NALF1: variants seen among roughly 807,000 people sequenced by gnomAD.
NALF1 encodes NALCN channel auxiliary factor 1, also known as family with sequence similarity 155 member A.
A neutral mutation model predicts 48.4 loss-of-function variants in NALF1; 3 were observed. The observed-to-expected ratio is 0.06, with a 90% CI of 0.03 to 0.16. NALF1 has a LOEUF of 0.16. NALF1 is among the 10% of genes least tolerant of loss of function. The pLI is 1.00. For missense variants in NALF1, 526 were observed against 571.5 expected (o/e 0.92, Z 0.81); for synonymous variants, 262 against 245.7 (o/e 1.07, Z -0.62).
intron 1 of NALF1, among the ~76,000 whole-genome samples, chr13:107,278,154 G>A (rs1881316683): frequency 6.6e-6 from 1 of 152,128 alleles, no homozygotes; most frequent in African/African-American, 2.4e-5. Flanking sequence ...GCACATTTGT[G>A]GTTTTAAGGA....
intron 1 of NALF1, among the ~76,000 whole-genome samples, chr13:107,482,346 A>G (rs961853178): frequency 1.3e-5 from 2 of 152,068 alleles, no homozygotes; most frequent in Non-Finnish European, 2.9e-5. Flanking sequence ...GTCTCTGTCC[A>G]TGCACACACA....
intron 1 of NALF1, among the ~76,000 whole-genome samples, chr13:107,626,100 T>C (rs1253994041): frequency 3.3e-5 from 5 of 152,088 alleles, no homozygotes; most frequent in Non-Finnish European, 5.9e-5. Flanking sequence ...GGTTAATAGA[T>C]TTCATTAATA....
At chr13:107,689,713 G>A (rs768815398) in intron 1 of NALF1, among the ~76,000 whole-genome samples, 21 of 152,114 alleles carry the variant, frequency 1.4e-4, no homozygotes, top group Admixed American at 3.9e-4. Context: ...ATAAAAATAC[G>A]TTTTTCTTCT....
chr13:107,529,275 G>A lies in NALF1; in HGVS notation c.916-318520C>T, dbSNP rs529343957. The stretch of plus-strand genomic sequence containing the variant: ...CATAGTGAATAATTATTCAAGAGCA[G>A]AGAAACGAGACCATAGCTCTGGTAT... On this transcript the variant is annotated intron_variant, in intron 1 of 2. Transcript: ENST00000375915. Among the ~76,000 whole-genome samples the A allele has an allele frequency of 2.6e-5, 4 of 152,114 alleles. No individual in the cohort carries two copies. In the South Asian group the frequency reaches 8.3e-4, roughly 31 times the overall value.
At chr13:107,795,334 G>GA (rs900870817) in intron 1 of NALF1, among the ~76,000 whole-genome samples, 1 of 152,036 alleles carries the variant, frequency 6.6e-6, no homozygotes, top group Non-Finnish European at 1.5e-5. Flanking sequence ...CTGGGGAAGG[G>GA]AAAAATTTTA....
At chr13:107,705,317 T>C (rs1881920875) in intron 1 of NALF1, among the ~76,000 whole-genome samples, 1 of 152,188 alleles carries the variant, frequency 6.6e-6, no homozygotes, top group Admixed American at 6.5e-5. Context: ...CAGGATGCAG[T>C]CATTACTGAG....
intron 1 of NALF1, among the ~76,000 whole-genome samples, chr13:107,767,250 T>C (rs1877441541): frequency 6.6e-6 from 1 of 152,176 alleles, no homozygotes; most frequent in South Asian, 2.1e-4. Context: ...TAAAGTCACA[T>C]TGTGCTTTGT....
intron 1 of NALF1, among the ~76,000 whole-genome samples, chr13:107,717,011 C>T (rs369114524): frequency 6.6e-6 from 1 of 152,164 alleles, no homozygotes; most frequent in Admixed American, 6.5e-5. Context: ...CAACTGCATA[C>T]CCATGCTAAC....
rs74112634 is a variant in NALF1, at chr13:107,819,393, T to G, written c.915+46289A>C. On this transcript the variant is annotated intron_variant, in intron 1 of 2. Transcript: ENST00000375915. ...TCGTCAGATTCTGCCTCAGCAGCAT[T>G]TCTGGCAACTGTGTCATCTTTTTTC... 3.5e-3 allele frequency among the ~76,000 whole-genome samples: 540 copies of G among 152,314 alleles called. 4 individuals carry two copies. The highest frequency in any genetic ancestry group is 0.012 in the African/African-American group (514 of 41,572).
At position 107,167,534 on chromosome 13, in the gene NALF1, C is replaced by G. The variant is rs1365192083; in HGVS notation, c.*2963G>C. The G allele has an allele frequency of 6.6e-6, 1 of 152,178 alleles. No individual in the cohort carries two copies. Among genetic ancestry groups the G allele is most frequent in the African/African-American group, 2.4e-5 (1 of 41,446 alleles). The allele number at this position is 152,178 out of a possible 1,614,324, so 9.4% of individuals were successfully genotyped here. On this transcript the variant is annotated 3_prime_UTR_variant, in exon 3 of 3. Coordinates refer to ENST00000375915, the MANE Select transcript of NALF1 (RefSeq NM_001080396.3). ...GCGGGAAAGTGGTTACACACTTACA[C>G]TAATAAATACTAGGCACTGAAATCA... is the stretch of plus-strand genomic sequence containing the variant.
intron 2 of NALF1, among the ~76,000 whole-genome samples, chr13:107,199,499 G>A (rs1315088634): frequency 3.9e-5 from 6 of 151,958 alleles, no homozygotes; most frequent in Non-Finnish European, 5.9e-5. Flanking sequence ...TTCCATATAC[G>A]GTCACATTCT....
chr13:107,693,086 A>G (rs1262991851), intron 1 of NALF1, among the ~76,000 whole-genome samples: 1 of 152,108 alleles, frequency 6.6e-6, no homozygotes, highest in Non-Finnish European at 1.5e-5. Context: ...TGTCTTCCAC[A>G]ATGGTTGAAC....
chr13:107,838,000 T>C (rs914729065), intron 1 of NALF1, among the ~76,000 whole-genome samples: 1 of 152,098 alleles, frequency 6.6e-6, no homozygotes, highest in African/African-American at 2.4e-5. Flanking sequence ...TTTTCTTAAT[T>C]AGGTGCTCGA....
intron 1 of NALF1, among the ~76,000 whole-genome samples, chr13:107,801,025 A>G (rs528405036): frequency 4.2e-4 from 64 of 152,266 alleles, no homozygotes; most frequent in East Asian, 1.3e-3. Flanking sequence ...TTATCTCACT[A>G]CAAGTCCTAC....
intron 1 of NALF1, among the ~76,000 whole-genome samples, chr13:107,472,488 G>A (rs534333215): frequency 2.0e-5 from 3 of 152,124 alleles, no homozygotes; most frequent in Non-Finnish European, 4.4e-5. Flanking sequence ...AGTAGACTGG[G>A]AGAGGCAGAC....
intron 1 of NALF1, among the ~76,000 whole-genome samples, chr13:107,505,678 A>C (rs1425255700): frequency 6.6e-6 from 1 of 152,222 alleles, no homozygotes; most frequent in East Asian, 1.9e-4. Context: ...CCCATCAGGC[A>C]TGTGCAAAGC....
intron 1 of NALF1, among the ~76,000 whole-genome samples, chr13:107,613,010 AAAAAG>A (rs1330958871): frequency 1.4e-5 from 2 of 146,412 alleles, no homozygotes; most frequent in East Asian, 3.3e-4. Context: ...GAGAAAAAAA[AAAAAG>A]AAAAGAAAAG....
At chr13:107,222,945 G>A (rs1998640) in intron 1 of NALF1, among the ~76,000 whole-genome samples, 60,787 of 152,020 alleles carry the variant, frequency 0.4, 12,430 homozygotes, top group Middle Eastern at 0.51. Context: ...AGTGGGATTT[G>A]TTTACTTGAT....
intron 1 of NALF1, among the ~76,000 whole-genome samples, chr13:107,657,171 T>C (rs1566432483): frequency 6.7e-6 from 1 of 149,996 alleles, no homozygotes; most frequent in Non-Finnish European, 1.5e-5. Context: ...CCTATTGAAA[T>C]AAAAAAAAAA....
Sources: allele counts gnomAD v4.1 joint callset (sites outside exome capture counted in the v4.1 genomes callset), GRCh38; gene constraint gnomAD v4.1.1; transcripts MANE v1.5; gene names NCBI Gene and HGNC (gene_info 2026-07-23, HGNC 2026-07-21).